The following ADAMTS19 variants were observed in gnomAD, a reference collection of about 807,000 sequenced individuals.
ADAMTS19 encodes the protein ADAM metallopeptidase with thrombospondin type 1 motif 19.
In ADAMTS19, 93 loss-of-function variants were observed where a neutral mutation model predicts 153.3. That is an observed-to-expected ratio of 0.61 (90% CI 0.51 to 0.72). ADAMTS19 has a LOEUF of 0.72. ADAMTS19 is among the 30% of genes least tolerant of loss of function. The pLI, the probability that ADAMTS19 is intolerant of heterozygous loss-of-function variation, is 0.00. For synonymous variants in ADAMTS19, 600 were observed against 556.6 expected (o/e 1.08, Z -1.10); for missense variants, 1,482 against 1,552.1 (o/e 0.95, Z 0.76).
intron 6 of ADAMTS19, among the ~76,000 whole-genome samples, chr5:129,537,090 AC>A (rs1752464642): frequency 6.6e-6 from 1 of 152,084 alleles, no homozygotes; most frequent in Non-Finnish European, 1.5e-5. Context: ...AAAGAAAAAA[AC>A]AACCCCATCA....
chr5:129,491,979 T>C (rs1379294207), intron 2 of ADAMTS19, among the ~76,000 whole-genome samples: 2 of 152,190 alleles, frequency 1.3e-5, no homozygotes, highest in Non-Finnish European at 2.9e-5. Flanking sequence ...TGGAGATAAG[T>C]TGTATTCGTC....
chr5:129,683,458 A>C (rs1561647237), intron 17 of ADAMTS19, among the ~76,000 whole-genome samples: 1 of 152,162 alleles, frequency 6.6e-6, no homozygotes, highest in African/African-American at 2.4e-5. Flanking sequence ...TTAAAAGTTC[A>C]TGTAACATAA....
chr5:129,582,869 G>A (rs1749592777), intron 7 of ADAMTS19, among the ~76,000 whole-genome samples: 1 of 151,738 alleles, frequency 6.6e-6, no homozygotes, highest in Non-Finnish European at 1.5e-5. Context: ...ACCATGCCCG[G>A]CCCAGTCTGT....
chr5:129,638,692 G>T (rs1359667629), intron 10 of ADAMTS19, among the ~76,000 whole-genome samples: 1 of 151,948 alleles, frequency 6.6e-6, no homozygotes, highest in African/African-American at 2.4e-5. Flanking sequence ...TTTGCAATCT[G>T]TTAAGTTATT....
chr5:129,588,338 A>G (rs1561587387), intron 7 of ADAMTS19, among the ~76,000 whole-genome samples: 1 of 152,132 alleles, frequency 6.6e-6, no homozygotes, highest in Non-Finnish European at 1.5e-5. Context: ...TGTTCTTTGT[A>G]TAGGTAGTAA....
chr5:129,463,560 G>A (rs559722505), intron 2 of ADAMTS19, among the ~76,000 whole-genome samples: 47 of 152,238 alleles, frequency 3.1e-4, no homozygotes, highest in African/African-American at 9.9e-4. Flanking sequence ...GCCAGTGTTA[G>A]GAGTTAGATT....
At chr5:129,658,311 A>G (rs868105788) in intron 14 of ADAMTS19, among the ~76,000 whole-genome samples, 93 of 25,348 alleles carry the variant, frequency 3.7e-3, no homozygotes, top group African/African-American at 7.6e-3. Flanking sequence ...AAGAAAGAAA[A>G]AGAAAGAAAG....
At position 129,527,807 on chromosome 5, in the gene ADAMTS19, G is replaced by T; in HGVS notation, c.1146G>T (p.Lys382Asn). Reference protein sequence around the residue: ...LSVQVNLRVIKLILLHETPPE... With the variant: ...LSVQVNLRVINLILLHETPPE... The stretch of plus-strand genomic sequence containing the variant: ...TGCAGGTCAATCTTCGTGTGATAAA[G>T]CTTATTCTGCTCCATGAAACTCCAG... The change falls in exon 5 of 23, where the codon AAG becomes AAT. Residue 382 changes from lysine (K) to asparagine (N), a missense_variant. Lys to Asn is a moderately conservative substitution (Grantham distance 94). Coordinates refer to ENST00000274487, the MANE Select transcript of ADAMTS19 (RefSeq NM_133638.6). 7 of 1,598,934 alleles carry T rather than the reference G, an allele frequency of 4.4e-6. No individual in the cohort carries two copies. The highest frequency in any genetic ancestry group is 5.1e-6 in the Non-Finnish European group (6 of 1,169,606).
intron 8 of ADAMTS19, among the ~76,000 whole-genome samples, chr5:129,599,380 G>T (rs1750533533): frequency 6.6e-6 from 1 of 151,964 alleles, no homozygotes; most frequent in African/African-American, 2.4e-5. Flanking sequence ...ATAAAATACA[G>T]ATTTATGAAT....
chr5:129,491,297 G>A (rs965977145), intron 2 of ADAMTS19, among the ~76,000 whole-genome samples: 1 of 152,052 alleles, frequency 6.6e-6, no homozygotes, highest in South Asian at 2.1e-4. Flanking sequence ...CCACCAGGCC[G>A]GGCCACTCCT....
At chr5:129,717,335 CAGTA>C (rs1756777950) in intron 21 of ADAMTS19, among the ~76,000 whole-genome samples, 2 of 151,962 alleles carry the variant, frequency 1.3e-5, no homozygotes, top group Admixed American at 6.6e-5. Context: ...GGGGGGTACA[CAGTA>C]AGTGTATATA....
At chr5:129,631,751 C>T (rs67710673) in intron 10 of ADAMTS19, among the ~76,000 whole-genome samples, 7,538 of 151,740 alleles carry the variant, frequency 0.05, 264 homozygotes, top group African/African-American at 0.1. Context: ...TCAACTGAGC[C>T]TCTTGTAGTA....
In ADAMTS19 at chr5:129,711,657, C is replaced by T. The variant is rs180976595; in HGVS notation, c.3312+7266C>T. 4.1e-3 allele frequency among the ~76,000 whole-genome samples: 620 copies of T among 151,618 alleles called. 3 individuals are homozygous for T. The highest frequency in any genetic ancestry group is 0.015 in the African/African-American group (601 of 41,354). On this transcript the variant is annotated intron_variant, in intron 21 of 22. Transcript: ENST00000274487. ...CACCACTGCACTCCAGCCTGGGTGA[C>T]AGAGTGAGACTCTGTCTCAAAAAAA...
chr5:129,628,100 A>G (rs1421442291), intron 10 of ADAMTS19, among the ~76,000 whole-genome samples: 2 of 152,162 alleles, frequency 1.3e-5, no homozygotes, highest in Non-Finnish European at 1.5e-5. Flanking sequence ...GTACATATAC[A>G]CTATGGAATA....
At chr5:129,500,211 A>G (rs1450501970) in intron 2 of ADAMTS19, 1 of 152,158 alleles carries the variant, frequency 6.6e-6, no homozygotes, top group African/African-American at 2.4e-5. Flanking sequence ...AAAAGGGAGA[A>G]TGAAGTCAGA....
At chr5:129,652,027 A>C (rs1163339056) in intron 13 of ADAMTS19, among the ~76,000 whole-genome samples, 1 of 152,156 alleles carries the variant, frequency 6.6e-6, no homozygotes. Flanking sequence ...TGTTCTCCAA[A>C]TTAAAAAAAA....
intron 8 of ADAMTS19, among the ~76,000 whole-genome samples, chr5:129,615,043 A>G (rs924481651): frequency 6.7e-6 from 1 of 148,358 alleles, no homozygotes; most frequent in African/African-American, 2.4e-5. Context: ...AAGAGGATAC[A>G]AACAAATGGA....
intron 7 of ADAMTS19, among the ~76,000 whole-genome samples, chr5:129,586,268 T>A (rs1056486760): frequency 5.9e-5 from 9 of 152,224 alleles, no homozygotes; most frequent in African/African-American, 1.9e-4. Context: ...AGTATCCACA[T>A]TATAGTATCA....
chr5:129,538,695 G>A (rs980617659), intron 6 of ADAMTS19, among the ~76,000 whole-genome samples: 3 of 152,048 alleles, frequency 2.0e-5, no homozygotes, highest in Non-Finnish European at 4.4e-5. Context: ...TGTTATCTAT[G>A]TTGTTGAAGT....
Sources: gnomAD v4.1 joint callset for allele counts (sites outside exome capture counted in the v4.1 genomes callset) on GRCh38, gnomAD v4.1.1 for gene constraint, MANE v1.5 for transcripts, NCBI Gene and HGNC (gene_info 2026-07-23, HGNC 2026-07-21) for gene names.